The following RBPJL variants were observed in gnomAD, a reference collection of about 807,000 sequenced individuals.
RBPJL encodes the protein recombination signal binding protein for immunoglobulin kappa J region like.
A neutral mutation model predicts 57.6 loss-of-function variants in RBPJL; 50 were observed. That is an observed-to-expected ratio of 0.87 (90% CI 0.69 to 1.10). The LOEUF (loss-of-function observed/expected upper bound fraction) is 1.10, where lower values mean the gene tolerates loss of function less well. Ranked by LOEUF, RBPJL falls within the 50% of genes least tolerant of loss-of-function variation. The probability of loss-of-function intolerance (pLI) is 0.00; values close to 1 mark genes in which losing one functional copy is unlikely to be tolerated. For synonymous variants in RBPJL, 303 were observed against 294.4 expected, an observed-to-expected ratio of 1.03 and a Z score of -0.30; for missense variants, 684 against 693.7, an observed-to-expected ratio of 0.99 and a Z score of 0.16.
intron 6 of RBPJL, 91 bp downstream of exon 6, chr20:45,312,486 C>A: frequency 7.5e-7 from 1 of 1,333,712 alleles, no homozygotes; most frequent in Non-Finnish European, 1.0e-6. Flanking sequence ...TGGGGGTAGG[C>A]TGGGCTTAGG....
At chr20:45,316,132 A>G in intron 9 of RBPJL, 55 bp from the exon 10 acceptor site, 1 of 1,576,686 alleles carries the variant, frequency 6.3e-7, no homozygotes, top group Non-Finnish European at 8.7e-7. Context: ...CTGGCTCCCT[A>G]CACTGGTGGC....
In RBPJL at chr20:45,311,731, G is replaced by A. The variant is rs1044064024; in HGVS notation, c.328+72G>A. 5.7e-6 allele frequency: 9 copies of A among 1,580,300 alleles called. No individual in the cohort carries two copies. In the African/African-American group the frequency reaches 9.4e-5, roughly 17 times the overall value. On this transcript the variant is annotated intron_variant, in intron 4 of 11. Coordinates refer to ENST00000343694, the MANE Select transcript of RBPJL (RefSeq NM_014276.4). ...ACCACGAGATTGGGCCCGAGACGGG[G>A]CGGTTCGCAGGCGCAGTCTCCCCGC...
Position 45,306,900 on chromosome 20 carries a change from G to T in RBPJL, c.-23G>T, listed in dbSNP as rs867745972. The T allele has an allele frequency of 4.8e-6, 6 of 1,256,752 alleles. No homozygotes were observed. The Middle Eastern group carries it at 1.0e-3, about 210-fold the overall frequency. The allele number at this position is 1,256,752 out of a possible 1,614,324, so 77.9% of individuals were successfully genotyped here. ...CTCGTCCAGAGGGCGGCGGGTGAGC[G>T]GCTGGGGCCCCGTGGAGCCACCATG... On this transcript the variant is annotated 5_prime_UTR_variant, in exon 1 of 12. Coordinates refer to ENST00000343694, the MANE Select transcript of RBPJL (RefSeq NM_014276.4).
At chr20:45,306,997 G>GT in intron 1 of RBPJL, 53 bp downstream of exon 1, 1 of 1,127,958 alleles carries the variant, frequency 8.9e-7, no homozygotes, top group Non-Finnish European at 1.1e-6. Flanking sequence ...AACTACGAAG[G>GT]ACCACCCCCC....
At chr20:45,312,001 T>C in intron 5 of RBPJL, 47 bp downstream of exon 5, 1 of 1,474,978 alleles carries the variant, frequency 6.8e-7, no homozygotes. Context: ...CATCCCTGCC[T>C]CTCCTGGGAA....
chr20:45,315,877 G>T (rs1435517107), intron 9 of RBPJL: 1 of 294,372 alleles, frequency 3.4e-6, no homozygotes, highest in African/African-American at 2.4e-5. Context: ...AGGAAGGAAG[G>T]AAAGAAAGAA....
intron 3 of RBPJL, among the ~76,000 whole-genome samples, chr20:45,310,734 A>G: frequency 6.6e-6 from 1 of 152,198 alleles, no homozygotes; most frequent in East Asian, 1.9e-4. Flanking sequence ...TCAGAGAGGT[A>G]AGCAGGGGTC....
At position 45,314,438 on chromosome 20, in the gene RBPJL, G is replaced by A; in HGVS notation, c.893G>A (p.Cys298Tyr). 2 of 1,614,120 alleles carry A rather than the reference G, an allele frequency of 1.2e-6. No homozygotes were observed. Among genetic ancestry groups the A allele is most frequent in the Non-Finnish European group, 1.7e-6 (2 of 1,179,966 alleles). Residue 298 changes from cysteine (C) to tyrosine (Y), a missense_variant, in exon 9 of 12, where the codon TGT (cysteine) becomes TAT (tyrosine). Coordinates refer to ENST00000343694, the MANE Select transcript of RBPJL (RefSeq NM_014276.4). ...PMIIRKVAKQ[C>Y]ALLDVDEPIS... ...ATCATCCGTAAAGTAGCAAAACAGT[G>A]TGCGCTCCTTGATGTGGATGAGCCC...
At chr20:45,310,450 A>G (rs9784191) in intron 3 of RBPJL, among the ~76,000 whole-genome samples, 42,426 of 151,888 alleles carry the variant, frequency 0.28, 6,286 homozygotes, top group African/African-American at 0.35. Flanking sequence ...CTACCAAAAA[A>G]TACAAAATTA....
Position 45,317,050 on chromosome 20 carries a change from T to C in RBPJL, c.*91T>C. 1 of 1,456,904 alleles carries C rather than the reference T, an allele frequency of 6.9e-7. No individual in the cohort carries two copies. Among genetic ancestry groups the C allele is most frequent in the Non-Finnish European group, 9.2e-7 (1 of 1,085,812 alleles). The allele number at this position is 1,456,904 out of a possible 1,614,324, so 90.2% of individuals were successfully genotyped here. ...TTCTGGGTTCTAGGCCCTGCTTCCTTGCCCCTTTGCTGCAGAAGGGCAGCT... is the reference window on the plus strand; with the variant it reads ...TTCTGGGTTCTAGGCCCTGCTTCCTCGCCCCTTTGCTGCAGAAGGGCAGCT... On this transcript the variant is annotated 3_prime_UTR_variant, in exon 12 of 12. Coordinates refer to ENST00000343694, the MANE Select transcript of RBPJL (RefSeq NM_014276.4).
intron 11 of RBPJL, 30 bp downstream of exon 11, chr20:45,316,610 G>T (rs1987481940): frequency 6.6e-7 from 1 of 1,516,888 alleles, no homozygotes; most frequent in African/African-American, 1.4e-5. Context: ...CCTCTCTTGG[G>T]CCCCGGGGAG....
chr20:45,313,961 G>C, intron 7 of RBPJL, 74 bp from the exon 8 acceptor site: 3 of 1,054,120 alleles, frequency 2.8e-6, no homozygotes, highest in Non-Finnish European at 4.4e-6. Flanking sequence ...AGAGCCAGAG[G>C]CAACAAGGCA....
In RBPJL at chr20:45,309,578, A is replaced by G; in HGVS notation, c.143A>G (p.Glu48Gly). 1 of 1,610,768 alleles carries G rather than the reference A, an allele frequency of 6.2e-7. No homozygotes were observed. Among genetic ancestry groups the G allele is most frequent in the Non-Finnish European group, 8.5e-7 (1 of 1,178,410 alleles). Residue 48 changes from glutamate to glycine, a missense_variant, in exon 3 of 12, where the codon GAG becomes GGG. By Grantham distance (98) the Glu-to-Gly change is moderately conservative (BLOSUM62 -2). Transcript: ENST00000343694. ...TGCCCTACTCCCAGGTCATCCCCAGAGCACACCACCATTCTGAGGGGAGGC... is the reference window on the plus strand; with the variant it reads ...TGCCCTACTCCCAGGTCATCCCCAGGGCACACCACCATTCTGAGGGGAGGC... ...LPGTWTRSSP[E>G]HTTILRGGVR...
At position 45,316,754 on chromosome 20, in the gene RBPJL, G is replaced by T. The variant is rs1342529126; in HGVS notation, c.1349G>T (p.Arg450Leu). The change falls in exon 12 of 12, where the codon CGC becomes CTC. Residue 450 changes from arginine to leucine, a missense_variant. Physicochemically the swap from Arg to Leu is moderately radical, Grantham distance 102. Transcript: ENST00000343694. The part of the protein sequence containing the change: ...AAFCSDWRWL[R>L]APITIPMSLV... ...TTCTGCAGCGACTGGCGCTGGCTGCGCGCTCCCATCACAATCCCCATGAGC... is the reference window on the plus strand; with the variant it reads ...TTCTGCAGCGACTGGCGCTGGCTGCTCGCTCCCATCACAATCCCCATGAGC... The T allele has an allele frequency of 3.7e-6, 6 of 1,613,644 alleles. No individual in the cohort carries two copies. In the Admixed American group the frequency reaches 5.0e-5, roughly 13 times the overall value.
At chr20:45,310,002 G>T (rs1343543177) in intron 3 of RBPJL, among the ~76,000 whole-genome samples, 2 of 152,184 alleles carry the variant, frequency 1.3e-5, no homozygotes, top group Non-Finnish European at 2.9e-5. Flanking sequence ...TGTGGGTACT[G>T]CTGGGCACTG....
At chr20:45,314,259 C>T (rs1437705186) in intron 8 of RBPJL, 115 bp downstream of exon 8, 80 of 1,224,506 alleles carry the variant, frequency 6.5e-5, no homozygotes, top group Non-Finnish European at 1.1e-5. Flanking sequence ...CCTGTTCTCA[C>T]CCAGTGTCGC....
At position 45,312,377 on chromosome 20, in the gene RBPJL, TC is replaced by T. The variant is rs1987226202; in HGVS notation, c.602del (p.Ser201CysfsTer2). 7.4e-6 allele frequency: 12 copies of T among 1,613,734 alleles called. No homozygotes were observed. The highest frequency in any genetic ancestry group is 1.0e-5 in the Non-Finnish European group (12 of 1,179,966). On this transcript the variant is annotated frameshift_variant, in exon 6 of 12. Transcript: ENST00000343694. LOFTEE classifies it high-confidence loss of function. ...VISKPSQKKQ[S>X]LKNTDLCISS... is the part of the protein sequence containing the mutation. ...CTCGAAGCCCTCGCAGAAGAAGCAG[TC>T]GCTGAAAAACACCGATCGTGAGCAG...
intron 2 of RBPJL, among the ~76,000 whole-genome samples, chr20:45,308,836 C>T (rs926616284): frequency 6.6e-6 from 1 of 152,032 alleles, no homozygotes; most frequent in Non-Finnish European, 1.5e-5. Flanking sequence ...CCGCTCAAGA[C>T]CCCCAGGTTA....
chr20:45,314,824 T>C (rs1422949165), intron 9 of RBPJL, among the ~76,000 whole-genome samples: 4 of 152,198 alleles, frequency 2.6e-5, no homozygotes, highest in African/African-American at 9.7e-5. Flanking sequence ...GGCTCATGCC[T>C]GTAATCCCAG....
Sources: allele counts gnomAD v4.1 joint callset (sites outside exome capture counted in the v4.1 genomes callset), GRCh38; gene constraint gnomAD v4.1.1; transcripts MANE v1.5; gene names NCBI Gene and HGNC (gene_info 2026-07-23, HGNC 2026-07-21).